LPAR1: variants seen among roughly 807,000 people sequenced by gnomAD.
LPAR1 encodes LPA receptor 1.
LPAR1 carries 5 observed loss-of-function variants against 23.8 expected under a neutral mutation model. The observed-to-expected ratio is 0.21, with a 90% CI of 0.11 to 0.44. The LOEUF (loss-of-function observed/expected upper bound fraction) is 0.44, where lower values mean the gene tolerates loss of function less well. LPAR1 is among the 20% of genes least tolerant of loss of function. LPAR1 has a pLI of 0.99. For synonymous variants in LPAR1, 160 were observed against 164.7 expected (o/e 0.97, Z 0.22); for missense variants, 311 against 482.8 (o/e 0.64, Z 3.33).
intron 2 of LPAR1, among the ~76,000 whole-genome samples, chr9:111,009,598 G>C (rs771057127): frequency 6.6e-6 from 1 of 151,778 alleles, no homozygotes; most frequent in African/African-American, 2.4e-5. Context: ...TCCATTTTTT[G>C]TTTACATTTT....
chr9:110,959,141 T>TA (rs1443990893), intron 4 of LPAR1, among the ~76,000 whole-genome samples: 33 of 18,462 alleles, frequency 1.8e-3, no homozygotes, highest in African/African-American at 7.6e-3. Context: ...CAGTGACTAT[T>TA]AAAAAAAAAC....
chr9:111,014,124 C>T (rs1157213811), intron 2 of LPAR1, among the ~76,000 whole-genome samples: 1 of 152,136 alleles, frequency 6.6e-6, no homozygotes, highest in Admixed American at 6.6e-5. Context: ...GCTCCCCTCA[C>T]ACCAGCCTGA....
intron 4 of LPAR1, among the ~76,000 whole-genome samples, chr9:110,955,314 A>C (rs2136933102): frequency 6.6e-6 from 1 of 152,354 alleles, no homozygotes; most frequent in Admixed American, 6.5e-5. Flanking sequence ...AATGGACTTT[A>C]AATTAAAACA....
chr9:110,989,746 T>C (rs547563039), intron 2 of LPAR1, among the ~76,000 whole-genome samples: 1 of 152,118 alleles, frequency 6.6e-6, no homozygotes, highest in East Asian at 1.9e-4. Flanking sequence ...TGAAAACACA[T>C]ATATATACAC....
At chr9:110,944,823 A>G (rs1021934300) in intron 4 of LPAR1, among the ~76,000 whole-genome samples, 3 of 152,258 alleles carry the variant, frequency 2.0e-5, no homozygotes, top group African/African-American at 7.2e-5. Flanking sequence ...ATTTAATGAT[A>G]AAACTTAAAT....
At chr9:111,024,073 TACA>T in intron 2 of LPAR1, among the ~76,000 whole-genome samples, 1 of 152,052 alleles carries the variant, frequency 6.6e-6, no homozygotes, top group Non-Finnish European at 1.5e-5. Context: ...AACTACATAG[TACA>T]AAAAATGGGT....
At chr9:110,972,822 C>T (rs2096464259) in intron 3 of LPAR1, among the ~76,000 whole-genome samples, 1 of 151,974 alleles carries the variant, frequency 6.6e-6, no homozygotes, top group Admixed American at 6.6e-5. Context: ...TAGAACATGC[C>T]TGTAATCCTA....
intron 1 of LPAR1, chr9:111,037,956 C>G (rs2097925045): frequency 6.6e-6 from 1 of 152,040 alleles, no homozygotes; most frequent in Non-Finnish European, 1.5e-5. Context: ...CAGGCCGGCT[C>G]GCAAGAACGC....
intron 5 of LPAR1, among the ~76,000 whole-genome samples, chr9:110,885,870 C>G (rs962147324): frequency 3.3e-5 from 5 of 152,066 alleles, no homozygotes; most frequent in Admixed American, 3.3e-4. Flanking sequence ...CGAGACCAGC[C>G]TGACCAATAT....
At chr9:110,931,694 T>C (rs1279051552) in intron 5 of LPAR1, among the ~76,000 whole-genome samples, 5 of 152,244 alleles carry the variant, frequency 3.3e-5, no homozygotes, top group Non-Finnish European at 5.9e-5. Context: ...GAATTAATTT[T>C]TGTATAAGGT....
At chr9:111,010,641 A>AC (rs1333340735) in intron 2 of LPAR1, among the ~76,000 whole-genome samples, 1 of 152,154 alleles carries the variant, frequency 6.6e-6, no homozygotes, top group Non-Finnish European at 1.5e-5. Flanking sequence ...ATAAAAACCC[A>AC]CATCAGACAA....
chr9:110,988,837 T>C (rs2096841596), intron 2 of LPAR1, among the ~76,000 whole-genome samples: 1 of 152,120 alleles, frequency 6.6e-6, no homozygotes, highest in Admixed American at 6.6e-5. Flanking sequence ...TCTCCAAGAA[T>C]ATTCATAGAA....
intron 5 of LPAR1, among the ~76,000 whole-genome samples, chr9:110,881,435 G>T (rs556002607): frequency 6.6e-6 from 1 of 152,208 alleles, no homozygotes; most frequent in South Asian, 2.1e-4. Flanking sequence ...AGACTCTCCT[G>T]ATCACCACAA....
At chr9:110,998,354 T>G (rs1319762775) in intron 2 of LPAR1, among the ~76,000 whole-genome samples, 1 of 152,210 alleles carries the variant, frequency 6.6e-6, no homozygotes. Context: ...ATAAATAAAT[T>G]GGACTTTCAT....
At chr9:110,989,161 G>A (rs1163104756) in intron 2 of LPAR1, among the ~76,000 whole-genome samples, 2 of 152,070 alleles carry the variant, frequency 1.3e-5, no homozygotes, top group Non-Finnish European at 2.9e-5. Context: ...ACAAATATGA[G>A]GTTTCTCTTG....
chr9:111,023,627 G>A (rs138686134), intron 2 of LPAR1, among the ~76,000 whole-genome samples: 8 of 151,878 alleles, frequency 5.3e-5, no homozygotes, highest in East Asian at 3.9e-4. Flanking sequence ...CAAAATAACC[G>A]ATACTGTATT....
intron 2 of LPAR1, among the ~76,000 whole-genome samples, chr9:111,017,696 C>G (rs140448880): frequency 0.016 from 2,503 of 152,204 alleles, 32 homozygotes; most frequent in Non-Finnish European, 0.026. Flanking sequence ...TCAGGAATAC[C>G]CTACCATCAG....
At chr9:110,971,963 G>A in intron 4 of LPAR1, 110 bp downstream of exon 4, 5 of 907,794 alleles carry the variant, frequency 5.5e-6, no homozygotes, top group Admixed American at 1.9e-5. Flanking sequence ...CCAAATGATA[G>A]CGAGAGAGAT....
At chr9:111,031,907 G>C (rs899887488) in intron 2 of LPAR1, among the ~76,000 whole-genome samples, 2 of 152,176 alleles carry the variant, frequency 1.3e-5, no homozygotes, top group Non-Finnish European at 2.9e-5. Context: ...TGGAGAAAAT[G>C]TTCCTAAAAT....
Sources: allele counts gnomAD v4.1 joint callset (sites outside exome capture counted in the v4.1 genomes callset), GRCh38; gene constraint gnomAD v4.1.1; transcripts MANE v1.5; gene names NCBI Gene and HGNC (gene_info 2026-07-23, HGNC 2026-07-21).